SLC9A9: variants seen among roughly 807,000 people sequenced by gnomAD.
The protein encoded by SLC9A9 is solute carrier family 9 member A9, also known as sodium/hydrogen exchanger 9.
A neutral mutation model predicts 77.8 loss-of-function variants in SLC9A9; 62 were observed. That is an observed-to-expected ratio of 0.80 (90% CI 0.65 to 0.98). The LOEUF (loss-of-function observed/expected upper bound fraction) is 0.98, where lower values mean the gene tolerates loss of function less well. SLC9A9 is among the 50% of genes least tolerant of loss of function. The pLI is 0.00. For synonymous variants in SLC9A9, 320 were observed against 283.5 expected, an observed-to-expected ratio of 1.13 and a Z score of -1.29; for missense variants, 775 against 774.9, an observed-to-expected ratio of 1.00 and a Z score of 0.00.
chr3:143,683,119 A>G (rs1933155497), intron 5 of SLC9A9, among the ~76,000 whole-genome samples: 1 of 152,140 alleles, frequency 6.6e-6, no homozygotes, highest in Non-Finnish European at 1.5e-5. Context: ...AGGGTAGTTT[A>G]TTTATGGGTG....
chr3:143,391,479 G>C (rs2033563992), intron 12 of SLC9A9, among the ~76,000 whole-genome samples: 1 of 152,214 alleles, frequency 6.6e-6, no homozygotes, highest in African/African-American at 2.4e-5. Context: ...ACCAAAGGTA[G>C]ACAAAACCAC....
intron 4 of SLC9A9, among the ~76,000 whole-genome samples, chr3:143,775,173 G>A (rs904458304): frequency 3.9e-5 from 6 of 152,140 alleles, no homozygotes; most frequent in African/African-American, 1.2e-4. Flanking sequence ...TAGAATTTTA[G>A]CCCTGGGAAA....
intron 6 of SLC9A9, among the ~76,000 whole-genome samples, chr3:143,651,347 C>A (rs1187051698): frequency 6.6e-6 from 1 of 152,006 alleles, no homozygotes; most frequent in Non-Finnish European, 1.5e-5. Flanking sequence ...GGGGCAGCAG[C>A]CTTAAGAAAT....
At chr3:143,623,744 AG>A (rs1033316960) in intron 6 of SLC9A9, among the ~76,000 whole-genome samples, 28 of 152,354 alleles carry the variant, frequency 1.8e-4, no homozygotes, top group African/African-American at 6.5e-4. Flanking sequence ...AGCGAGCAGA[AG>A]GCAAGAAATA....
chr3:143,558,790 T>A (rs2037031415), intron 8 of SLC9A9, among the ~76,000 whole-genome samples: 1 of 152,122 alleles, frequency 6.6e-6, no homozygotes, highest in African/African-American at 2.4e-5. Context: ...CTGGAATAGG[T>A]TAAGACTTTG....
At chr3:143,276,213 T>C (rs1434967936) in intron 14 of SLC9A9, among the ~76,000 whole-genome samples, 1 of 152,232 alleles carries the variant, frequency 6.6e-6, no homozygotes, top group Non-Finnish European at 1.5e-5. Flanking sequence ...TAGTTACTAC[T>C]GTTAGAGAAT....
At chr3:143,837,826 G>A (rs2009607497) in intron 1 of SLC9A9, among the ~76,000 whole-genome samples, 1 of 152,220 alleles carries the variant, frequency 6.6e-6, no homozygotes. Context: ...GAGAGACACA[G>A]AAGAGATGAG....
At chr3:143,804,755 G>A (rs556988099) in intron 2 of SLC9A9, among the ~76,000 whole-genome samples, 1 of 152,182 alleles carries the variant, frequency 6.6e-6, no homozygotes, top group East Asian at 1.9e-4. Context: ...TTGCTGGTCG[G>A]TTTAGGACTT....
intron 6 of SLC9A9, among the ~76,000 whole-genome samples, chr3:143,635,817 A>G (rs1436713476): frequency 2.6e-5 from 4 of 152,178 alleles, no homozygotes. Context: ...GCATCTTACC[A>G]TCTCTTGTTT....
At chr3:143,591,826 AG>A (rs1200078337) in intron 6 of SLC9A9, among the ~76,000 whole-genome samples, 1 of 152,198 alleles carries the variant, frequency 6.6e-6, no homozygotes, top group Non-Finnish European at 1.5e-5. Context: ...GTTGGACAAT[AG>A]GTCAGAGGCT....
intron 9 of SLC9A9, among the ~76,000 whole-genome samples, chr3:143,508,184 T>C (rs959999451): frequency 1.3e-5 from 2 of 152,210 alleles, no homozygotes; most frequent in East Asian, 3.8e-4. Flanking sequence ...GATACTCCAC[T>C]CCATCCACTA....
chr3:143,821,418 C>A (rs555529710), intron 2 of SLC9A9, among the ~76,000 whole-genome samples: 1 of 152,160 alleles, frequency 6.6e-6, no homozygotes, highest in Non-Finnish European at 1.5e-5. Flanking sequence ...AGATGAGATT[C>A]AATTAGATCT....
intron 5 of SLC9A9, among the ~76,000 whole-genome samples, chr3:143,669,768 T>A (rs2039130021): frequency 6.6e-6 from 1 of 152,196 alleles, no homozygotes. Context: ...GCAGGCTACT[T>A]AACCTCATTA....
intron 5 of SLC9A9, among the ~76,000 whole-genome samples, chr3:143,691,242 AT>A (rs534331209): frequency 3.3e-5 from 5 of 151,252 alleles, no homozygotes; most frequent in Admixed American, 2.6e-4. Context: ...TAATTTTTAA[AT>A]TTTTTTTTGA....
At chr3:143,520,134 C>T (rs2036270896) in intron 9 of SLC9A9, among the ~76,000 whole-genome samples, 1 of 152,104 alleles carries the variant, frequency 6.6e-6, no homozygotes, top group East Asian at 1.9e-4. Context: ...CAGAAGTCAT[C>T]CAAGGGCATC....
intron 1 of SLC9A9, among the ~76,000 whole-genome samples, chr3:143,839,458 T>TA (rs2009651090): frequency 1.3e-5 from 2 of 152,002 alleles, no homozygotes; most frequent in Non-Finnish European, 2.9e-5. Flanking sequence ...GTGGGGTGTC[T>TA]AATGTCCACA....
intron 6 of SLC9A9, among the ~76,000 whole-genome samples, chr3:143,613,360 G>A (rs1285470796): frequency 1.3e-5 from 2 of 152,176 alleles, no homozygotes; most frequent in African/African-American, 4.8e-5. Context: ...TAAGACTGTT[G>A]TGAAACAGTC....
chr3:143,448,278 G>T (rs1015408552), intron 12 of SLC9A9, among the ~76,000 whole-genome samples: 2 of 152,114 alleles, frequency 1.3e-5, no homozygotes, highest in Admixed American at 6.6e-5. Flanking sequence ...AGAATGTGAT[G>T]AACAACTAGA....
chr3:143,284,544 A>G (rs1317859288), intron 14 of SLC9A9, among the ~76,000 whole-genome samples: 2 of 151,696 alleles, frequency 1.3e-5, no homozygotes, highest in African/African-American at 4.8e-5. Flanking sequence ...TCCCACTACT[A>G]CCGTAGTGGC....
Sources: allele counts gnomAD v4.1 joint callset (sites outside exome capture counted in the v4.1 genomes callset), GRCh38; gene constraint gnomAD v4.1.1; transcripts MANE v1.5; gene names NCBI Gene and HGNC (gene_info 2026-07-23, HGNC 2026-07-21).